The following FILIP1 variants were observed in gnomAD, a reference collection of about 807,000 sequenced individuals.
FILIP1 encodes the protein filamin A interacting protein 1, also known as filamin-A-interacting protein 1.
A neutral mutation model predicts 102.1 loss-of-function variants in FILIP1; 61 were observed. The ratio of observed to expected loss-of-function variants is 0.60; its 90% CI spans 0.49 to 0.74. The LOEUF (loss-of-function observed/expected upper bound fraction) is 0.74, where lower values mean the gene tolerates loss of function less well. Ranked by LOEUF, FILIP1 falls within the 30% of genes least tolerant of loss-of-function variation. FILIP1 has a pLI of 0.00. For synonymous variants in FILIP1, 491 were observed against 526.9 expected (o/e 0.93, Z 0.93); for missense variants, 1,314 against 1,441.2 (o/e 0.91, Z 1.43).
intron 2 of FILIP1, among the ~76,000 whole-genome samples, chr6:75,405,658 C>T (rs1423876886): frequency 6.6e-6 from 1 of 152,164 alleles, no homozygotes; most frequent in Non-Finnish European, 1.5e-5. Flanking sequence ...AGGGGAAGGG[C>T]TTCTTATCCC....
chr6:75,363,719 CT>C, intron 2 of FILIP1, among the ~76,000 whole-genome samples: 1 of 152,310 alleles, frequency 6.6e-6, no homozygotes, highest in Non-Finnish European at 1.5e-5. Context: ...TAGGGTTGAT[CT>C]TTCTAGTTAT....
At chr6:75,493,118 T>C (rs564908438) in intron 1 of FILIP1, among the ~76,000 whole-genome samples, 3 of 152,356 alleles carry the variant, frequency 2.0e-5, no homozygotes, top group African/African-American at 7.2e-5. Flanking sequence ...AAATTGTCCT[T>C]TGTCATAGTT....
chr6:75,296,799 T>G, intron 6 of FILIP1: 1 of 152,020 alleles, frequency 6.6e-6, no homozygotes, highest in East Asian at 1.9e-4. Context: ...AAAAATAAAT[T>G]TAAACTAGAT....
intron 1 of FILIP1, chr6:75,465,408 C>A: frequency 1.7e-6 from 1 of 597,230 alleles, no homozygotes. Flanking sequence ...GAGTTACTAG[C>A]TCCAATGAAG....
At chr6:75,332,193 A>G (rs1050019296) in intron 4 of FILIP1, among the ~76,000 whole-genome samples, 2 of 152,122 alleles carry the variant, frequency 1.3e-5, no homozygotes, top group African/African-American at 2.4e-5. Context: ...TTCTTTCTCA[A>G]CCTTAAGGTT....
chr6:75,361,323 A>C (rs893179470), intron 3 of FILIP1, among the ~76,000 whole-genome samples: 2 of 152,196 alleles, frequency 1.3e-5, no homozygotes, highest in African/African-American at 4.8e-5. Context: ...AATCCTGGGT[A>C]AGCGTGTATG....
Position 75,312,930 on chromosome 6 carries a change from C to T in FILIP1, c.2902G>A (p.Gly968Arg), listed in dbSNP as rs756597851. 2.5e-6 allele frequency: 4 copies of T among 1,613,988 alleles called. No homozygotes were observed. In the African/African-American group the frequency reaches 4.0e-5, roughly 16 times the overall value. Residue 968 changes from glycine (G) to arginine (R), a missense_variant, in exon 5 of 6, where the codon GGA becomes AGA. Physicochemically the swap from Gly to Arg is moderately radical, Grantham distance 125. Coordinates refer to ENST00000237172, the MANE Select transcript of FILIP1 (RefSeq NM_015687.5). Reference sequence around the variant, plus strand: ...CGTTCTGGGCCAAGAGTAGTATCTCCACTTTTTTGTTTTTGAGGCATAACG... The same window carrying T: ...CGTTCTGGGCCAAGAGTAGTATCTCTACTTTTTTGTTTTTGAGGCATAACG... ...PNVMPQKQKS[G>R]DTTLGPERAM...
intron 2 of FILIP1, among the ~76,000 whole-genome samples, chr6:75,413,219 T>G (rs1777135486): frequency 6.6e-6 from 1 of 152,134 alleles, no homozygotes; most frequent in Admixed American, 6.6e-5. Context: ...AGTGAGCTAA[T>G]GATGTAGTTT....
intron 1 of FILIP1, among the ~76,000 whole-genome samples, chr6:75,460,484 G>C (rs1778988364): frequency 6.6e-6 from 1 of 152,114 alleles, no homozygotes; most frequent in South Asian, 2.1e-4. Flanking sequence ...ATTTTTATAG[G>C]AGTAATATTA....
At chr6:75,450,184 C>T (rs1453004781) in intron 1 of FILIP1, among the ~76,000 whole-genome samples, 2 of 152,054 alleles carry the variant, frequency 1.3e-5, no homozygotes, top group East Asian at 1.9e-4. Flanking sequence ...TGCTATGTTG[C>T]CCAAGCTGCT....
Position 75,420,651 on chromosome 6 carries a change from A to G in FILIP1, c.-6-5673T>C, listed in dbSNP as rs548592728. 2.0e-5 allele frequency among the ~76,000 whole-genome samples: 3 copies of G among 152,158 alleles called. No individual in the cohort carries two copies. In the East Asian group the frequency reaches 5.8e-4, roughly 29 times the overall value. On this transcript the variant is annotated intron_variant, in intron 1 of 5. Coordinates refer to ENST00000237172, the MANE Select transcript of FILIP1 (RefSeq NM_015687.5). ...ATTATGTCTGGTATATTTTATTTTTATATCTTCACTCATGAATTTCTTTCT... is the reference window on the plus strand; with the variant it reads ...ATTATGTCTGGTATATTTTATTTTTGTATCTTCACTCATGAATTTCTTTCT...
intron 2 of FILIP1, among the ~76,000 whole-genome samples, chr6:75,365,163 T>C (rs1432389272): frequency 2.0e-5 from 3 of 152,048 alleles, no homozygotes; most frequent in South Asian, 2.1e-4. Flanking sequence ...TGAAGTCTTA[T>C]AGAGCAGACA....
intron 4 of FILIP1, among the ~76,000 whole-genome samples, chr6:75,337,827 T>G (rs1348581849): frequency 6.6e-6 from 1 of 152,208 alleles, no homozygotes; most frequent in African/African-American, 2.4e-5. Flanking sequence ...GAGAAAAACC[T>G]GAGAGCACTG....
chr6:75,297,182 C>T (rs1300271166), intron 6 of FILIP1, among the ~76,000 whole-genome samples: 2 of 151,972 alleles, frequency 1.3e-5, no homozygotes, highest in Non-Finnish European at 2.9e-5. Context: ...AAATTTCTAC[C>T]TATTATTTTC....
chr6:75,462,932 G>A (rs2149752955), intron 1 of FILIP1, among the ~76,000 whole-genome samples: 1 of 152,306 alleles, frequency 6.6e-6, no homozygotes, highest in East Asian at 1.9e-4. Flanking sequence ...ATAGGGGAAT[G>A]GGAAGAGGGG....
At chr6:75,441,863 G>C (rs1778259859) in intron 1 of FILIP1, among the ~76,000 whole-genome samples, 1 of 148,482 alleles carries the variant, frequency 6.7e-6, no homozygotes, top group Non-Finnish European at 1.5e-5. Flanking sequence ...CTCCCGGACG[G>C]GGCAGCTGGC....
chr6:75,416,858 AG>A lies in FILIP1; in HGVS notation c.-6-1881del, dbSNP rs373700396. The stretch of plus-strand genomic sequence containing the variant: ...TCCCAGACAATAGTTCCCAAAGCAC[AG>A]GAAGTGCTTAATCTTACACAGTATT... On this transcript the variant is annotated intron_variant, in intron 1 of 5. Transcript: ENST00000237172. Among the ~76,000 whole-genome samples the A allele has an allele frequency of 7.1e-4, 108 of 152,314 alleles. 1 individual carries two copies. The highest frequency in any genetic ancestry group is 2.5e-3 in the African/African-American group (102 of 41,588).
chr6:75,411,848 A>C (rs960164310), intron 2 of FILIP1, among the ~76,000 whole-genome samples: 1 of 152,074 alleles, frequency 6.6e-6, no homozygotes, highest in Admixed American at 6.6e-5. Flanking sequence ...GTCAGGTAGC[A>C]TGATGCCTCC....
At chr6:75,299,510 A>C (rs1265265412) in intron 6 of FILIP1, among the ~76,000 whole-genome samples, 1 of 152,106 alleles carries the variant, frequency 6.6e-6, no homozygotes, top group African/African-American at 2.4e-5. Flanking sequence ...CTTTTTTTCT[A>C]ATTGGAAGTT....
Sources: allele counts gnomAD v4.1 joint callset (sites outside exome capture counted in the v4.1 genomes callset), GRCh38; gene constraint gnomAD v4.1.1; transcripts MANE v1.5; gene names NCBI Gene and HGNC (gene_info 2026-07-23, HGNC 2026-07-21).